The following TRIP12 variants were observed in gnomAD, a reference collection of about 807,000 sequenced individuals.
TRIP12 encodes the protein thyroid hormone receptor interactor 12.
Under a neutral mutation model 244.2 loss-of-function variants are expected in TRIP12, and 25 were observed. That is an observed-to-expected ratio of 0.10 (90% CI 0.07 to 0.14). TRIP12 has a LOEUF of 0.14. TRIP12 is among the 10% of genes least tolerant of loss of function. TRIP12 has a pLI of 1.00. For synonymous variants in TRIP12, 905 were observed against 873.1 expected (o/e 1.04, Z -0.64); for missense variants, 1,677 against 2,486.4 (o/e 0.67, Z 6.92).
chr2:229,771,383 C>T, intron 39 of TRIP12, 136 bp downstream of exon 39: 2 of 628,224 alleles, frequency 3.2e-6, no homozygotes, highest in Middle Eastern at 2.7e-4. Context: ...CCTTGTCTTT[C>T]CCAAACATCC....
At chr2:229,822,614 G>A (rs2050368321) in intron 8 of TRIP12, among the ~76,000 whole-genome samples, 1 of 152,124 alleles carries the variant, frequency 6.6e-6, no homozygotes, top group East Asian at 1.9e-4. Context: ...AAGAAAGCTA[G>A]CACTAGCAGA....
At position 229,889,423 on chromosome 2, in the gene TRIP12, T is replaced by C. The variant is rs144687375; in HGVS notation, c.-49-9295A>G. Among the ~76,000 whole-genome samples, 556 of 152,334 alleles carry C rather than the reference T, an allele frequency of 3.6e-3. 4 individuals carry two copies. The highest frequency in any genetic ancestry group is 0.013 in the African/African-American group (532 of 41,572). ...AGCTCAGATGGCTTGTATAATCCAT[T>C]AGAATACTAACTGCATTCATGTAAC... On this transcript the variant is annotated intron_variant, in intron 1 of 41. Transcript: ENST00000675903.
chr2:229,877,486 T>C (rs1003888600), intron 2 of TRIP12, among the ~76,000 whole-genome samples: 4 of 152,124 alleles, frequency 2.6e-5, no homozygotes, highest in Admixed American at 6.5e-5. Flanking sequence ...TGAGCAGAGA[T>C]CACAGCACTG....
intron 26 of TRIP12, among the ~76,000 whole-genome samples, chr2:229,794,653 G>C (rs1349663417): frequency 6.6e-6 from 1 of 152,042 alleles, no homozygotes; most frequent in East Asian, 1.9e-4. Flanking sequence ...CATGAAACTT[G>C]TAACATTCCA....
At chr2:229,901,000 A>G (rs2070608904) in intron 1 of TRIP12, 4 of 149,020 alleles carry the variant, frequency 2.7e-5, no homozygotes, top group Admixed American at 2.7e-4. Context: ...GCGACGCAAT[A>G]TTGGCTCACT....
In TRIP12 at chr2:229,778,544, C is replaced by G; in HGVS notation, c.5253G>C (p.Leu1751=). 1 of 1,614,060 alleles carries G rather than the reference C, an allele frequency of 6.2e-7. No homozygotes were observed. Among genetic ancestry groups the G allele is most frequent in the East Asian group, 2.2e-5 (1 of 44,880 alleles). The change falls in exon 36 of 42, where the codon CTG becomes CTC. Residue 1751 remains leucine, a synonymous_variant. Transcript: ENST00000675903. The surrounding 1 kb of genome is among the most constrained non-coding windows in gnomAD (Gnocchi z 4.1). ...CTGTCCTACCAAAGGGAAGCGCAAA[C>G]AGGCCCTGGAGGTTTTGAATATACT... ...GTKYIQNLQG[L]FALPFGRTAK...
chr2:229,812,474 A>G (rs1238151951), intron 13 of TRIP12, among the ~76,000 whole-genome samples: 3 of 152,252 alleles, frequency 2.0e-5, no homozygotes, highest in Non-Finnish European at 4.4e-5. Flanking sequence ...AAAAGGCTCT[A>G]GAGTGATTCA....
chr2:229,791,659 G>C, intron 29 of TRIP12: 1 of 594,798 alleles, frequency 1.7e-6, no homozygotes, highest in Admixed American at 3.2e-5. Context: ...ACTGTCCATG[G>C]ATATACATTT....
rs1397089207 is a variant in TRIP12 at position 229,787,412 on chromosome 2, G to A, written c.4995+93C>T. The A allele has an allele frequency of 3.7e-6, 5 of 1,358,812 alleles. No individual in the cohort carries two copies. The African/African-American group carries it at 7.4e-5, about 20-fold the overall frequency. 84.2% of individuals were successfully genotyped at this position (1,358,812 alleles called of 1,614,324 possible). A position where few individuals can be genotyped will look rare whatever the true frequency, so the allele number is the denominator to read the frequency against. On this transcript the variant is annotated intron_variant, in intron 33 of 41. Coordinates refer to ENST00000675903, the MANE Select transcript of TRIP12 (RefSeq NM_001348323.3). The stretch of plus-strand genomic sequence containing the variant: ...AGCTGAATATGACCAAGGCCTCCAA[G>A]ACCAACATGCATATTTAGATATACT...
intron 37 of TRIP12, among the ~76,000 whole-genome samples, chr2:229,775,695 C>T (rs1162129438): frequency 6.6e-6 from 1 of 150,868 alleles, no homozygotes; most frequent in African/African-American, 2.4e-5. Context: ...ATCTCTAGGA[C>T]ATTGTAAATT....
chr2:229,845,013 C>T (rs1482316552), intron 4 of TRIP12, among the ~76,000 whole-genome samples: 1 of 152,148 alleles, frequency 6.6e-6, no homozygotes, highest in African/African-American at 2.4e-5. Flanking sequence ...ACCCTTTTTT[C>T]TCCTCCACCA....
At chr2:229,821,468 T>A (rs897475263) in intron 8 of TRIP12, among the ~76,000 whole-genome samples, 2 of 152,190 alleles carry the variant, frequency 1.3e-5, no homozygotes, top group African/African-American at 4.8e-5. Flanking sequence ...TACAGGCATA[T>A]GGTCTCTACT....
At chr2:229,921,347 T>C (rs1019825220) in intron 1 of TRIP12, 1 of 152,874 alleles carries the variant, frequency 6.5e-6, no homozygotes, top group African/African-American at 2.4e-5. Flanking sequence ...AGCTGCTTCC[T>C]AGTTTCCATT....
chr2:229,891,441 T>TA (rs1281062817), intron 1 of TRIP12, among the ~76,000 whole-genome samples: 1 of 149,552 alleles, frequency 6.7e-6, no homozygotes, highest in Non-Finnish European at 1.5e-5. Flanking sequence ...AAAATAAAAT[T>TA]AAAATAGCCG....
At chr2:229,834,381 A>G (rs1559732860) in intron 6 of TRIP12, among the ~76,000 whole-genome samples, 1 of 152,256 alleles carries the variant, frequency 6.6e-6, no homozygotes, top group East Asian at 1.9e-4. Flanking sequence ...AAAATAGTTC[A>G]TTCCTTACTT....
intron 12 of TRIP12, 45 bp from the exon 13 acceptor site, chr2:229,814,076 G>A: frequency 1.3e-6 from 2 of 1,532,870 alleles, no homozygotes; most frequent in Non-Finnish European, 1.8e-6. Context: ...TCCTTTATCA[G>A]CAATAAAAAA....
intron 34 of TRIP12, among the ~76,000 whole-genome samples, chr2:229,779,993 C>CA (rs1378123412): frequency 2.6e-5 from 4 of 152,174 alleles, no homozygotes; most frequent in Admixed American, 1.3e-4. Flanking sequence ...GTCAAGAAGG[C>CA]AACATTTATA....
At position 229,808,332 on chromosome 2, in the gene TRIP12, G is replaced by A. The variant is rs2046391428; in HGVS notation, c.2259C>T (p.Ala753=). 3 of 1,613,460 alleles carry A rather than the reference G, an allele frequency of 1.9e-6. No homozygotes were observed. Among genetic ancestry groups the A allele is most frequent in the Non-Finnish European group, 2.5e-6 (3 of 1,179,984 alleles). ...AETLHFLLCG[A]SNGSCQEQID... ...TCTGTTCCTGACAACTTCCATTGGA[G>A]GCACCACACAGGAGAAAGTGAAGCG... The change falls in exon 16 of 42, where the codon GCC becomes GCT. Residue 753 remains alanine (A), a synonymous_variant. Coordinates refer to ENST00000675903, the MANE Select transcript of TRIP12 (RefSeq NM_001348323.3).
At chr2:229,917,380 C>CAAAAAAAAAAAAAAAAA (rs60397605) in intron 1 of TRIP12, among the ~76,000 whole-genome samples, 13 of 29,260 alleles carry the variant, frequency 4.4e-4, no homozygotes, top group African/African-American at 7.4e-4. Flanking sequence ...GACTCTGTCT[C>CAAAAAAAAAAAAAAAAA]AAAAAAAAAA....
Sources: allele counts gnomAD v4.1 joint callset (sites outside exome capture counted in the v4.1 genomes callset), GRCh38; gene constraint gnomAD v4.1.1; non-coding constraint Gnocchi (gnomAD v3.1); transcripts MANE v1.5; gene names NCBI Gene and HGNC (gene_info 2026-07-23, HGNC 2026-07-21).